The following UBE2H variants were observed in gnomAD, a reference collection of about 807,000 sequenced individuals.
The protein encoded by UBE2H is ubiquitin conjugating enzyme E2 H.
In UBE2H, 3 loss-of-function variants were observed where a neutral mutation model predicts 29.0. The observed-to-expected ratio is 0.10, with a 90% CI of 0.05 to 0.27. The LOEUF is 0.27. Ranked by LOEUF, UBE2H falls within the 10% of genes least tolerant of loss-of-function variation. UBE2H has a pLI of 1.00. For missense variants in UBE2H, 68 were observed against 228.2 expected (o/e 0.30, Z 4.52); for synonymous variants, 69 against 82.9 (o/e 0.83, Z 0.91).
intron 1 of UBE2H, among the ~76,000 whole-genome samples, chr7:129,916,097 C>G (rs576787783): frequency 6.6e-6 from 1 of 152,290 alleles, no homozygotes; most frequent in African/African-American, 2.4e-5. Context: ...AGCTCACATG[C>G]CTGCACTTGT....
chr7:129,900,126 C>A (rs1165686434), intron 1 of UBE2H, among the ~76,000 whole-genome samples: 1 of 148,010 alleles, frequency 6.8e-6, no homozygotes, highest in Non-Finnish European at 1.5e-5. Context: ...TAAGACCCAT[C>A]TCAAAAAAAA....
At chr7:129,871,131 C>T (rs1189549330) in intron 3 of UBE2H, among the ~76,000 whole-genome samples, 1 of 152,174 alleles carries the variant, frequency 6.6e-6, no homozygotes, top group Non-Finnish European at 1.5e-5. Context: ...TCCAAAAGAA[C>T]ATAAAGTATT....
intron 3 of UBE2H, among the ~76,000 whole-genome samples, chr7:129,861,745 A>G (rs1432830792): frequency 6.6e-6 from 1 of 152,156 alleles, no homozygotes; most frequent in Non-Finnish European, 1.5e-5. Context: ...TACAAAAATT[A>G]GCCGGGCATG....
chr7:129,865,213 A>T (rs1281929453), intron 3 of UBE2H: 2 of 296,306 alleles, frequency 6.7e-6, no homozygotes, highest in African/African-American at 4.4e-5. Context: ...AAATCTCATG[A>T]CCCATAGGCT....
chr7:129,834,790 GATATATAATATAT>G lies in UBE2H; in HGVS notation c.*134_*146del. The G allele has an allele frequency of 3.3e-6, 3 of 904,770 alleles. No homozygotes were observed. The highest frequency in any genetic ancestry group is 4.8e-6 in the Non-Finnish European group (3 of 631,258). 56.0% of individuals were successfully genotyped at this position (904,770 alleles called of 1,614,324 possible). The stretch of plus-strand genomic sequence containing the variant: ...ACCAAGAAATCAAGATCTAAAGGGT[GATATATAATATAT>G]ATATATCAATGCTATTATTCATAAA... On this transcript the variant is annotated 3_prime_UTR_variant, in exon 7 of 7. Coordinates refer to ENST00000355621, the MANE Select transcript of UBE2H (RefSeq NM_003344.4).
chr7:129,923,093 G>C lies in UBE2H; in HGVS notation c.53+29410C>G, dbSNP rs536182864. 2.0e-5 allele frequency among the ~76,000 whole-genome samples: 3 copies of C among 151,794 alleles called. No homozygotes were observed. The East Asian group carries it at 5.8e-4, about 30-fold the overall frequency. On this transcript the variant is annotated intron_variant, in intron 1 of 6. Transcript: ENST00000355621. Reference sequence around the variant, plus strand: ...TTTTTTGTATTTTTAGTAGAGACAGGGTTCCACCGTGTTAGCCAGGATGTT... The same window carrying C: ...TTTTTTGTATTTTTAGTAGAGACAGCGTTCCACCGTGTTAGCCAGGATGTT...
At position 129,925,495 on chromosome 7, in the gene UBE2H, G is replaced by A. The variant is rs117056509; in HGVS notation, c.53+27008C>T. Reference sequence around the variant, plus strand: ...CCAAATATGTAAATGAAAGAAAAAAGCGAAACAACATTCACTGTGAAAGAC... The same window carrying A: ...CCAAATATGTAAATGAAAGAAAAAAACGAAACAACATTCACTGTGAAAGAC... On this transcript the variant is annotated intron_variant, in intron 1 of 6. Coordinates refer to ENST00000355621, the MANE Select transcript of UBE2H (RefSeq NM_003344.4). Among the ~76,000 whole-genome samples the A allele has an allele frequency of 7.0e-4, 107 of 152,232 alleles. No homozygotes were observed. In the East Asian group the frequency reaches 0.019, roughly 27 times the overall value.
chr7:129,912,707 C>T (rs1328065760), intron 1 of UBE2H, among the ~76,000 whole-genome samples: 3 of 152,162 alleles, frequency 2.0e-5, no homozygotes, highest in East Asian at 1.9e-4. Flanking sequence ...ATAAGGGATG[C>T]ACAACCTGTT....
intron 3 of UBE2H, among the ~76,000 whole-genome samples, chr7:129,867,819 T>TA (rs1563027658): frequency 6.7e-6 from 1 of 148,578 alleles, no homozygotes; most frequent in Non-Finnish European, 1.5e-5. Context: ...TTGGTATAGT[T>TA]AAAAAACAAG....
At chr7:129,929,589 A>C (rs555926535) in intron 1 of UBE2H, among the ~76,000 whole-genome samples, 27 of 152,236 alleles carry the variant, frequency 1.8e-4, no homozygotes, top group Non-Finnish European at 3.5e-4. Flanking sequence ...AAAATACAAG[A>C]TAAACCAGAC....
At chr7:129,926,160 A>C (rs1016640118) in intron 1 of UBE2H, among the ~76,000 whole-genome samples, 2 of 152,162 alleles carry the variant, frequency 1.3e-5, no homozygotes, top group Non-Finnish European at 2.9e-5. Context: ...GAAAAAGTCT[A>C]TGATTTTTTC....
chr7:129,917,038 A>C (rs1463655635), intron 1 of UBE2H, among the ~76,000 whole-genome samples: 11 of 62,626 alleles, frequency 1.8e-4, no homozygotes, highest in African/African-American at 1.1e-3. Context: ...TTCCGTCTCC[A>C]AAAAAAAAAA....
chr7:129,891,935 TA>T (rs1471021803), intron 1 of UBE2H, among the ~76,000 whole-genome samples: 1 of 148,658 alleles, frequency 6.7e-6, no homozygotes, highest in East Asian at 2.0e-4. Context: ...AGCAGAATAC[TA>T]AAAAAACATG....
intron 1 of UBE2H, among the ~76,000 whole-genome samples, chr7:129,945,668 A>G (rs1327085175): frequency 6.6e-6 from 1 of 152,236 alleles, no homozygotes; most frequent in African/African-American, 2.4e-5. Flanking sequence ...TGTTAATTTC[A>G]ATCTTATTCA....
chr7:129,933,321 C>T (rs1403272493), intron 1 of UBE2H, among the ~76,000 whole-genome samples: 1 of 152,138 alleles, frequency 6.6e-6, no homozygotes, highest in Non-Finnish European at 1.5e-5. Flanking sequence ...AGGAAAACCC[C>T]TTTTAGAACT....
At chr7:129,877,692 T>C (rs1184182131) in intron 3 of UBE2H, among the ~76,000 whole-genome samples, 1 of 152,230 alleles carries the variant, frequency 6.6e-6, no homozygotes, top group Non-Finnish European at 1.5e-5. Flanking sequence ...CCAAATTTCA[T>C]ATTGCATCAT....
In UBE2H at chr7:129,921,656, G is replaced by A. The variant is rs974445059; in HGVS notation, c.53+30847C>T. 8.3e-5 allele frequency among the ~76,000 whole-genome samples: 11 copies of A among 133,068 alleles called. No homozygotes were observed. The East Asian group carries it at 2.2e-3, about 27-fold the overall frequency. 87.3% of individuals were successfully genotyped at this position (133,068 alleles called of 152,430 possible). The stretch of plus-strand genomic sequence containing the variant: ...AGAGGTTGTAGTGAGCTGAGATCAC[G>A]CCACTGCATCTAGCCTGGGCAACAA... On this transcript the variant is annotated intron_variant, in intron 1 of 6. Coordinates refer to ENST00000355621, the MANE Select transcript of UBE2H (RefSeq NM_003344.4).
rs372911460 is a variant in UBE2H at position 129,834,912 on chromosome 7, T to G, written c.*25A>C. On this transcript the variant is annotated 3_prime_UTR_variant, in exon 7 of 7. Coordinates refer to ENST00000355621, the MANE Select transcript of UBE2H (RefSeq NM_003344.4). The stretch of plus-strand genomic sequence containing the variant: ...TCTCATGGTTAGGAAATAATAGTCT[T>G]TCTGAAAAGCAGGTGCTTTTTCTAC... 5.6e-6 allele frequency: 9 copies of G among 1,611,640 alleles called. No individual in the cohort carries two copies. The highest frequency in any genetic ancestry group is 6.8e-6 in the Non-Finnish European group (8 of 1,179,814).
At chr7:129,867,728 A>C (rs1563027593) in intron 3 of UBE2H, among the ~76,000 whole-genome samples, 44 of 129,184 alleles carry the variant, frequency 3.4e-4, no homozygotes, top group Non-Finnish European at 6.0e-4. Context: ...GAAAACCAAA[A>C]AAAAAAAAAA....
Sources: allele counts gnomAD v4.1 joint callset (sites outside exome capture counted in the v4.1 genomes callset), GRCh38; gene constraint gnomAD v4.1.1; transcripts MANE v1.5; gene names NCBI Gene and HGNC (gene_info 2026-07-23, HGNC 2026-07-21).